Variants in PXDNL observed in about 807,000 individuals in gnomAD.
PXDNL encodes probable oxidoreductase PXDNL.
In PXDNL, 145 loss-of-function variants were observed where a neutral mutation model predicts 150.8. The observed-to-expected ratio is 0.96, with a 90% CI of 0.84 to 1.10. The LOEUF is 1.10. PXDNL is among the 50% of genes least tolerant of loss of function. PXDNL has a pLI of 0.00. For missense variants in PXDNL, 2,087 were observed against 1,873.9 expected (o/e 1.11, Z -2.10); for synonymous variants, 757 against 725.7 (o/e 1.04, Z -0.69).
intron 17 of PXDNL, among the ~76,000 whole-genome samples, chr8:51,391,227 C>A (rs891928018): frequency 6.6e-6 from 1 of 152,092 alleles, no homozygotes; most frequent in Non-Finnish European, 1.5e-5. Flanking sequence ...TTTATAGCAG[C>A]ATGATTTATA....
chr8:51,802,185 A>G (rs939833236), intron 1 of PXDNL, among the ~76,000 whole-genome samples: 1 of 147,782 alleles, frequency 6.8e-6, no homozygotes, highest in African/African-American at 2.5e-5. Flanking sequence ...TTTTTTTTTT[A>G]ATTTTAAAAT....
At chr8:51,785,943 C>T (rs544509922) in intron 1 of PXDNL, among the ~76,000 whole-genome samples, 173 of 152,338 alleles carry the variant, frequency 1.1e-3, no homozygotes, top group Non-Finnish European at 2.0e-3. Context: ...AAAGCCCTCA[C>T]TCTCTTCAAT....
chr8:51,592,536 G>A (rs1321662642), intron 3 of PXDNL, 91 bp downstream of exon 3: 7 of 769,604 alleles, frequency 9.1e-6, no homozygotes, highest in African/African-American at 1.8e-5. Flanking sequence ...CGAAGGTAAA[G>A]AATTATTTTA....
At chr8:51,508,023 C>G (rs1331942106) in intron 4 of PXDNL, among the ~76,000 whole-genome samples, 1 of 152,026 alleles carries the variant, frequency 6.6e-6, no homozygotes, top group Non-Finnish European at 1.5e-5. Context: ...TGATAGAAAA[C>G]TATTAAAGGG....
At chr8:51,700,168 T>TACACAC (rs58406482) in intron 1 of PXDNL, among the ~76,000 whole-genome samples, 66 of 139,916 alleles carry the variant, frequency 4.7e-4, no homozygotes, top group African/African-American at 1.9e-3. Context: ...TATGCCTGCA[T>TACACAC]ACACACACAC....
intron 6 of PXDNL, among the ~76,000 whole-genome samples, chr8:51,475,362 C>T (rs932392546): frequency 1.4e-4 from 21 of 152,124 alleles, no homozygotes; most frequent in Admixed American, 1.3e-3. Context: ...TTTTGAGAAG[C>T]CACTTTAAAA....
At chr8:51,743,223 T>C (rs1473365832) in intron 1 of PXDNL, among the ~76,000 whole-genome samples, 1 of 151,876 alleles carries the variant, frequency 6.6e-6, no homozygotes, top group Admixed American at 6.6e-5. Context: ...CCTACTTTTG[T>C]TTTTGTTTTT....
At chr8:51,429,925 C>A (rs960038925) in intron 12 of PXDNL, among the ~76,000 whole-genome samples, 4 of 152,090 alleles carry the variant, frequency 2.6e-5, no homozygotes, top group South Asian at 2.1e-4. Flanking sequence ...TTAACACATG[C>A]ATTTCAGAAT....
intron 1 of PXDNL, among the ~76,000 whole-genome samples, chr8:51,765,120 A>G (rs964789525): frequency 6.6e-6 from 1 of 152,140 alleles, no homozygotes; most frequent in African/African-American, 2.4e-5. Context: ...GTTGGTTACT[A>G]CTTGCACGGT....
intron 1 of PXDNL, among the ~76,000 whole-genome samples, chr8:51,783,205 C>G (rs934685148): frequency 1.1e-4 from 17 of 152,162 alleles, no homozygotes; most frequent in African/African-American, 3.6e-4. Flanking sequence ...GCAATTGGTG[C>G]CTTGAAACCA....
chr8:51,359,664 A>G (rs992158552), intron 19 of PXDNL, among the ~76,000 whole-genome samples: 3 of 152,212 alleles, frequency 2.0e-5, no homozygotes, highest in African/African-American at 7.2e-5. Flanking sequence ...ATGAATTGAA[A>G]TTGTTCCCTA....
chr8:51,435,302 T>C (rs543068021), intron 12 of PXDNL, among the ~76,000 whole-genome samples: 4 of 152,100 alleles, frequency 2.6e-5, no homozygotes, highest in African/African-American at 7.2e-5. Flanking sequence ...GCCTGGGTGA[T>C]AGAGCGAGAC....
At chr8:51,449,150 A>C in intron 10 of PXDNL, 32 bp from the exon 11 acceptor site, 1 of 1,237,646 alleles carries the variant, frequency 8.1e-7, no homozygotes, top group Non-Finnish European at 1.1e-6. Flanking sequence ...TCAAAATTGA[A>C]AATTATTTTA....
chr8:51,696,815 A>AAGTC (rs1314552902), intron 1 of PXDNL, among the ~76,000 whole-genome samples: 1 of 140,912 alleles, frequency 7.1e-6, no homozygotes, highest in African/African-American at 2.8e-5. Context: ...TCACACACAC[A>AAGTC]CACACACACA....
At chr8:51,760,399 A>G (rs1442267526) in intron 1 of PXDNL, among the ~76,000 whole-genome samples, 1 of 152,186 alleles carries the variant, frequency 6.6e-6, no homozygotes, top group East Asian at 1.9e-4. Flanking sequence ...AATGAGTAGC[A>G]TTGTGTTCTA....
intron 1 of PXDNL, among the ~76,000 whole-genome samples, chr8:51,694,840 A>G (rs1174527921): frequency 6.6e-6 from 1 of 152,246 alleles, no homozygotes; most frequent in Non-Finnish European, 1.5e-5. Flanking sequence ...ATAAAATTTT[A>G]TGAAATCTAC....
At chr8:51,555,246 G>A (rs1356723621) in intron 4 of PXDNL, among the ~76,000 whole-genome samples, 1 of 152,136 alleles carries the variant, frequency 6.6e-6, no homozygotes, top group African/African-American at 2.4e-5. Flanking sequence ...AACCAAGTTT[G>A]TCCTTTTATA....
At chr8:51,629,532 C>T (rs1403480724) in intron 2 of PXDNL, among the ~76,000 whole-genome samples, 2 of 151,944 alleles carry the variant, frequency 1.3e-5, no homozygotes, top group African/African-American at 4.8e-5. Flanking sequence ...AAAACCTTTC[C>T]AAATTTGATA....
At chr8:51,788,017 A>G (rs2037476340) in intron 1 of PXDNL, among the ~76,000 whole-genome samples, 1 of 152,336 alleles carries the variant, frequency 6.6e-6, no homozygotes, top group East Asian at 1.9e-4. Flanking sequence ...GATCATCAGC[A>G]TGTTTTAGCA....
Sources: allele counts gnomAD v4.1 joint callset (sites outside exome capture counted in the v4.1 genomes callset), GRCh38; gene constraint gnomAD v4.1.1; transcripts MANE v1.5; gene names NCBI Gene and HGNC (gene_info 2026-07-23, HGNC 2026-07-21).